Variants in UBR2 observed in about 807,000 individuals in gnomAD.
UBR2 encodes ubiquitin protein ligase E3 component n-recognin 2.
A neutral mutation model predicts 247.9 loss-of-function variants in UBR2; 92 were observed. That is an observed-to-expected ratio of 0.37 (90% CI 0.31 to 0.44). The LOEUF (loss-of-function observed/expected upper bound fraction) is 0.44, where lower values mean the gene tolerates loss of function less well. UBR2 is among the 20% of genes least tolerant of loss of function. The pLI is 1.00. For synonymous variants in UBR2, 672 were observed against 693.5 expected (o/e 0.97, Z 0.49); for missense variants, 1,613 against 2,112.6 (o/e 0.76, Z 4.64).
chr6:42,616,308 A>G (rs1178155072), intron 10 of UBR2, among the ~76,000 whole-genome samples: 1 of 152,182 alleles, frequency 6.6e-6, no homozygotes. Context: ...ATGAGTATCT[A>G]TTATACAATG....
intron 26 of UBR2, 50 bp from the exon 27 acceptor site, chr6:42,657,974 A>G (rs1334005126): frequency 5.9e-6 from 8 of 1,362,906 alleles, no homozygotes; most frequent in African/African-American, 1.4e-5. Context: ...AGGAATAAGT[A>G]CTATGAAGTA....
rs1562312402 is a variant in UBR2 at position 42,614,439 on chromosome 6, C to CGTACATACATACGTATATATGTATGTAT, written c.986-625_986-624insCATACGTATATATGTATGTATGTACATA. 1.5e-4 allele frequency among the ~76,000 whole-genome samples: 14 copies of CGTACATACATACGTATATATGTATGTAT among 92,060 alleles called. 1 individual carries two copies. The highest frequency in any genetic ancestry group is 2.1e-4 in the Non-Finnish European group (9 of 43,438). The allele number at this position is 92,060 out of a possible 152,430, so 60.4% of individuals were successfully genotyped here. ...ACGTACGTACATATATATGTATGTACGTACATATATATGTATGGAACAAAT... is the reference window on the plus strand; with the variant it reads ...ACGTACGTACATATATATGTATGTACGTACATACATACGTATATATGTATGTATGTACATATATATGTATGGAACAAAT... On this transcript the variant is annotated intron_variant, in intron 8 of 46. Coordinates refer to ENST00000372901, the MANE Select transcript of UBR2 (RefSeq NM_001363705.2).
intron 7 of UBR2, among the ~76,000 whole-genome samples, chr6:42,607,994 AT>A (rs1450786525): frequency 6.6e-6 from 1 of 152,024 alleles, no homozygotes; most frequent in Non-Finnish European, 1.5e-5. Context: ...TGTTTTAAAC[AT>A]TGTATAGTAT....
chr6:42,622,138 C>T (rs945746352), intron 11 of UBR2, among the ~76,000 whole-genome samples: 5 of 152,036 alleles, frequency 3.3e-5, no homozygotes, highest in Admixed American at 1.3e-4. Context: ...GTCTTAGCCT[C>T]CCGAGTAGCT....
At position 42,602,359 on chromosome 6, in the gene UBR2, C is replaced by T. The variant is rs781071118; in HGVS notation, c.532-1229C>T. Among the ~76,000 whole-genome samples, 28 of 151,920 alleles carry T rather than the reference C, an allele frequency of 1.8e-4. 1 individual carries two copies. The highest frequency in any genetic ancestry group is 4.2e-4 in the South Asian group (2 of 4,816). On this transcript the variant is annotated intron_variant, in intron 4 of 46. Coordinates refer to ENST00000372901, the MANE Select transcript of UBR2 (RefSeq NM_001363705.2). ...CAGGGACTACAGGCGCCCTCCACCA[C>T]GCCCGGCTAATTTTTTGTATTTTTA...
At chr6:42,687,888 G>A (rs528090633) in intron 44 of UBR2, among the ~76,000 whole-genome samples, 3 of 148,350 alleles carry the variant, frequency 2.0e-5, no homozygotes, top group South Asian at 4.2e-4. Context: ...CTGTATTGAC[G>A]TTTATAACTT....
chr6:42,603,487 A>G (rs1197284977), intron 4 of UBR2, 101 bp from the exon 5 acceptor site: 1 of 1,189,506 alleles, frequency 8.4e-7, no homozygotes, highest in African/African-American at 1.6e-5. Context: ...AAGACCAGTC[A>G]ACTTTTTACT....
At chr6:42,682,132 G>A (rs1037360599) in intron 42 of UBR2, among the ~76,000 whole-genome samples, 2 of 152,286 alleles carry the variant, frequency 1.3e-5, no homozygotes, top group South Asian at 2.1e-4. Context: ...CCTTGAGGAC[G>A]TGTGCTAAGT....
rs572602528 is a variant in UBR2, at chr6:42,670,811, C to T, written c.4086+96C>T. ...TATGGACCTGCAGTAGTTACTTACA[C>T]CTTCACTTCTTTCGTAGTAAAAACC... On this transcript the variant is annotated intron_variant, in intron 36 of 46. Coordinates refer to ENST00000372901, the MANE Select transcript of UBR2 (RefSeq NM_001363705.2). 2.2e-5 allele frequency: 19 copies of T among 864,012 alleles called. No individual in the cohort carries two copies. The South Asian group carries it at 2.6e-4, about 12-fold the overall frequency. 53.5% of individuals were successfully genotyped at this position (864,012 alleles called of 1,614,324 possible). A position where few individuals can be genotyped will look rare whatever the true frequency, so the allele number is the denominator to read the frequency against.
chr6:42,565,383 C>T (rs1023107144), intron 1 of UBR2, among the ~76,000 whole-genome samples: 1 of 152,088 alleles, frequency 6.6e-6, no homozygotes, highest in Non-Finnish European at 1.5e-5. Context: ...CTGAATGCTA[C>T]GAACAAAATT....
chr6:42,673,853 A>G lies in UBR2; in HGVS notation c.4149A>G (p.Ser1383=). The stretch of plus-strand genomic sequence containing the variant: ...CACACTGGACAGTGGCATCAGTTTC[A>G]GTGGTGCAAGGACATTTTTGTAAAC... ...AAAHWTVASV[S]VVQGHFCKLF... is the part of the protein sequence containing the mutation. The change falls in exon 37 of 47, where the codon TCA becomes TCG. Residue 1383 remains serine (S), a synonymous_variant. Coordinates refer to ENST00000372901, the MANE Select transcript of UBR2 (RefSeq NM_001363705.2). 6.2e-7 allele frequency: 1 copy of G among 1,614,058 alleles called. No individual in the cohort carries two copies. The highest frequency in any genetic ancestry group is 1.1e-5 in the South Asian group (1 of 91,072).
Position 42,606,591 on chromosome 6 carries a change from G to T in UBR2, c.804G>T (p.Gly268=). The T allele has an allele frequency of 1.9e-6, 3 of 1,610,260 alleles. No homozygotes were observed. Among genetic ancestry groups the T allele is most frequent in the Non-Finnish European group, 2.5e-6 (3 of 1,178,350 alleles). The change falls in exon 7 of 47, where the codon GGG becomes GGT. Residue 268 remains glycine (G), a splice_region_variant and synonymous_variant. Transcript: ENST00000372901. ...IGFATTVDRD[G]RRSVRYGDFQ... is the part of the protein sequence containing the mutation. Reference sequence around the variant, plus strand: ...CTTAATTTTAAATATCTTTACAGGGGCGTAGGTCTGTTCGATATGGAGATT... The same window carrying T: ...CTTAATTTTAAATATCTTTACAGGGTCGTAGGTCTGTTCGATATGGAGATT...
chr6:42,670,453 G>A lies in UBR2; in HGVS notation c.4031-207G>A, dbSNP rs191649276. ...GCAACAGAGAACTCTTGGTGGTGGT[G>A]GTTATAGCTTCTTGTCAGTTGAAGG... On this transcript the variant is annotated intron_variant, in intron 35 of 46. Coordinates refer to ENST00000372901, the MANE Select transcript of UBR2 (RefSeq NM_001363705.2). 2.0e-5 allele frequency among the ~76,000 whole-genome samples: 3 copies of A among 152,178 alleles called. No individual in the cohort carries two copies. The East Asian group carries it at 5.8e-4, about 29-fold the overall frequency.
chr6:42,571,895 ACT>A (rs1338811325), intron 1 of UBR2, among the ~76,000 whole-genome samples: 1 of 151,290 alleles, frequency 6.6e-6, no homozygotes, highest in Non-Finnish European at 1.5e-5. Flanking sequence ...CTTGTTGAGG[ACT>A]CTTTTTCTTT....
intron 1 of UBR2, 61 bp downstream of exon 1, chr6:42,564,458 A>G (rs977622262): frequency 1.4e-5 from 22 of 1,559,880 alleles, no homozygotes; most frequent in Non-Finnish European, 1.8e-5. Context: ...GTGGGGAGGA[A>G]CCGACTCCTG....
intron 34 of UBR2, among the ~76,000 whole-genome samples, chr6:42,668,396 C>T (rs539568695): frequency 1.3e-5 from 2 of 152,172 alleles, no homozygotes; most frequent in Non-Finnish European, 2.9e-5. Context: ...TTACTAAATT[C>T]TAATCCATTG....
intron 16 of UBR2, among the ~76,000 whole-genome samples, 154 bp downstream of exon 16, chr6:42,640,424 G>A (rs1468345382): frequency 1.1e-5 from 1 of 91,308 alleles, no homozygotes; most frequent in Non-Finnish European, 2.5e-5. Flanking sequence ...GTGTGTGTGT[G>A]TGTGTGTGTG....
rs577178326 is a variant in UBR2, at chr6:42,569,124, G to A, written c.79-4610G>A. ...TTTGGGTATTATGAATCATGTTGCTGTGAACATTTTTTACAAATTTTTGTG... is the reference window on the plus strand; with the variant it reads ...TTTGGGTATTATGAATCATGTTGCTATGAACATTTTTTACAAATTTTTGTG... On this transcript the variant is annotated intron_variant, in intron 1 of 46. Transcript: ENST00000372901. Among the ~76,000 whole-genome samples, 3 of 152,296 alleles carry A rather than the reference G, an allele frequency of 2.0e-5. No homozygotes were observed. In the South Asian group the frequency reaches 6.2e-4, roughly 32 times the overall value.
intron 8 of UBR2, 33 bp from the exon 9 acceptor site, chr6:42,615,038 G>A (rs1794449608): frequency 6.4e-7 from 1 of 1,551,520 alleles, no homozygotes; most frequent in South Asian, 1.1e-5. Flanking sequence ...ATTTGAAGTT[G>A]CTATCTCATT....
Sources: gnomAD v4.1 joint callset for allele counts (sites outside exome capture counted in the v4.1 genomes callset) on GRCh38, gnomAD v4.1.1 for gene constraint, MANE v1.5 for transcripts, NCBI Gene and HGNC (gene_info 2026-07-23, HGNC 2026-07-21) for gene names.